DPYD: variants seen among roughly 807,000 people sequenced by gnomAD.
The protein encoded by DPYD is dihydropyrimidine dehydrogenase [NADP(+)].
In DPYD, 109 loss-of-function variants were observed where a neutral mutation model predicts 116.2. That is an observed-to-expected ratio of 0.94 (90% CI 0.80 to 1.10). The LOEUF (loss-of-function observed/expected upper bound fraction) is 1.10. Ranked by LOEUF, DPYD falls within the 50% of genes least tolerant of loss-of-function variation. DPYD has a pLI of 0.00. For synonymous variants in DPYD, 440 were observed against 432.0 expected, an observed-to-expected ratio of 1.02 and a Z score of -0.23; for missense variants, 1,302 against 1,254.5, an observed-to-expected ratio of 1.04 and a Z score of -0.57.
At chr1:97,877,087 C>T (rs980337494) in intron 2 of DPYD, among the ~76,000 whole-genome samples, 10 of 152,094 alleles carry the variant, frequency 6.6e-5, no homozygotes, top group Admixed American at 1.3e-4. Flanking sequence ...ACTCGACAAA[C>T]GAAGCCCTGG....
chr1:97,920,990 A>C lies in DPYD; in HGVS notation c.-68T>G. The C allele has an allele frequency of 3.2e-6, 5 of 1,545,150 alleles. No individual in the cohort carries two copies. The highest frequency in any genetic ancestry group is 4.4e-6 in the Non-Finnish European group (5 of 1,141,146). On this transcript the variant is annotated 5_prime_UTR_variant, in exon 1 of 23. Transcript: ENST00000370192. ...TTGCGTCCTCAAGCTCCAGCCAGAG[A>C]GCCAAGTGACAGCAGCCGGAGCGCG...
chr1:97,230,910 C>T (rs143087572), intron 19 of DPYD, among the ~76,000 whole-genome samples: 89 of 152,264 alleles, frequency 5.8e-4, no homozygotes, highest in Middle Eastern at 3.4e-3. Context: ...GTTCCAGGGT[C>T]CTTTCATGTC....
chr1:97,435,016 T>C (rs1027147538), intron 14 of DPYD, among the ~76,000 whole-genome samples: 2 of 152,138 alleles, frequency 1.3e-5, no homozygotes, highest in South Asian at 2.1e-4. Flanking sequence ...GAAACTGTTA[T>C]GTTTTCAATT....
intron 3 of DPYD, among the ~76,000 whole-genome samples, chr1:97,823,726 C>T (rs974818036): frequency 2.0e-5 from 3 of 151,952 alleles, no homozygotes; most frequent in Non-Finnish European, 4.4e-5. Flanking sequence ...TACTTGTTAG[C>T]GTATCATCTC....
At chr1:97,816,066 T>A (rs1359684396) in intron 3 of DPYD, among the ~76,000 whole-genome samples, 1 of 151,944 alleles carries the variant, frequency 6.6e-6, no homozygotes, top group Non-Finnish European at 1.5e-5. Context: ...ATTTTTAATT[T>A]TTTTTTTTTT....
intron 12 of DPYD, among the ~76,000 whole-genome samples, chr1:97,526,015 G>GTGTGTGTGTT (rs1649060471): frequency 7.0e-6 from 1 of 142,226 alleles, no homozygotes; most frequent in African/African-American, 2.5e-5. Flanking sequence ...GTGTGTGTGT[G>GTGTGTGTGTT]TTTCTATAAT....
At chr1:97,286,257 T>C (rs1466714673) in intron 18 of DPYD, among the ~76,000 whole-genome samples, 1 of 152,204 alleles carries the variant, frequency 6.6e-6, no homozygotes, top group African/African-American at 2.4e-5. Flanking sequence ...CCCCACTCTC[T>C]TCTGGCTTGT....
chr1:97,143,313 T>G (rs1654367225), intron 20 of DPYD, among the ~76,000 whole-genome samples: 1 of 152,140 alleles, frequency 6.6e-6, no homozygotes, highest in Admixed American at 6.6e-5. Context: ...TGACATCTGC[T>G]TTAGGCACAC....
chr1:97,130,421 T>C (rs1653190449), intron 20 of DPYD, among the ~76,000 whole-genome samples: 1 of 152,186 alleles, frequency 6.6e-6, no homozygotes, highest in Non-Finnish European at 1.5e-5. Context: ...GGTTTATACC[T>C]GTAGGTCCTG....
At chr1:97,842,631 A>T (rs887622609) in intron 2 of DPYD, among the ~76,000 whole-genome samples, 1 of 152,004 alleles carries the variant, frequency 6.6e-6, no homozygotes, top group Non-Finnish European at 1.5e-5. Context: ...TAACATCACG[A>T]TTATTATTTT....
At chr1:97,465,292 G>T (rs1677254086) in intron 13 of DPYD, among the ~76,000 whole-genome samples, 1 of 152,102 alleles carries the variant, frequency 6.6e-6, no homozygotes, top group East Asian at 1.9e-4. Flanking sequence ...GCCTTGTATT[G>T]GATGAGACTT....
chr1:97,275,065 G>C (rs1201222688), intron 18 of DPYD, among the ~76,000 whole-genome samples: 1 of 152,020 alleles, frequency 6.6e-6, no homozygotes, highest in South Asian at 2.1e-4. Context: ...AGGTACCATA[G>C]GTATAGAAGC....
At chr1:97,209,207 T>C (rs1183128184) in intron 19 of DPYD, among the ~76,000 whole-genome samples, 2 of 152,150 alleles carry the variant, frequency 1.3e-5, no homozygotes, top group Admixed American at 6.6e-5. Context: ...AAATCAATTA[T>C]TGAATATGAA....
At chr1:97,254,192 T>A (rs574352489) in intron 18 of DPYD, among the ~76,000 whole-genome samples, 1 of 152,264 alleles carries the variant, frequency 6.6e-6, no homozygotes, top group South Asian at 2.1e-4. Context: ...TAGGGCCGTT[T>A]TTCACAAACA....
intron 19 of DPYD, among the ~76,000 whole-genome samples, chr1:97,212,691 G>T (rs1363787623): frequency 6.6e-6 from 1 of 152,062 alleles, no homozygotes; most frequent in African/African-American, 2.4e-5. Flanking sequence ...AACAAGCAAT[G>T]TGTGAGGATT....
chr1:97,421,265 C>T (rs144859709), intron 14 of DPYD, among the ~76,000 whole-genome samples: 8 of 152,264 alleles, frequency 5.3e-5, no homozygotes, highest in East Asian at 1.9e-4. Flanking sequence ...GTCTGGCACA[C>T]AAGTGGTCAA....
chr1:97,567,930 G>A (rs1272340069), intron 11 of DPYD, among the ~76,000 whole-genome samples: 2 of 151,824 alleles, frequency 1.3e-5, no homozygotes, highest in Admixed American at 6.6e-5. Context: ...GTGTAGGTTT[G>A]TTACGTATGT....
intron 16 of DPYD, among the ~76,000 whole-genome samples, chr1:97,337,391 T>C (rs1226211079): frequency 6.6e-6 from 1 of 152,156 alleles, no homozygotes; most frequent in Non-Finnish European, 1.5e-5. Flanking sequence ...CTCAGGACTC[T>C]ATCAAATACC....
intron 10 of DPYD, among the ~76,000 whole-genome samples, chr1:97,588,881 C>A (rs1000461882): frequency 2.0e-5 from 3 of 152,110 alleles, no homozygotes; most frequent in African/African-American, 7.2e-5. Flanking sequence ...GCTTTCTTAG[C>A]CAAGATGGAA....
Sources: allele counts gnomAD v4.1 joint callset (sites outside exome capture counted in the v4.1 genomes callset), GRCh38; gene constraint gnomAD v4.1.1; transcripts MANE v1.5; gene names NCBI Gene and HGNC (gene_info 2026-07-23, HGNC 2026-07-21).